The following TTC28 variants were observed in gnomAD, a reference collection of about 807,000 sequenced individuals.
The protein encoded by TTC28 is tetratricopeptide repeat domain 28.
In TTC28, 61 loss-of-function variants were observed where a neutral mutation model predicts 198.0. That is an observed-to-expected ratio of 0.31 (90% confidence interval 0.25 to 0.38). The LOEUF (loss-of-function observed/expected upper bound fraction) is 0.38. Among genes scored for constraint, TTC28 ranks in the 10% least tolerant of loss-of-function variants. TTC28 has a pLI of 1.00. For synonymous variants in TTC28, 1,171 were observed against 1,297.8 expected (o/e 0.90, Z 2.10); for missense variants, 2,678 against 3,164.0 (o/e 0.85, Z 3.69).
rs1292442927 is a variant in TTC28 at position 27,989,993 on chromosome 22, C to G, written c.5592G>C (p.Leu1864=). The G allele has an allele frequency of 9.0e-6, 14 of 1,550,770 alleles. No homozygotes were observed. The highest frequency in any genetic ancestry group is 4.9e-5 in the East Asian group (2 of 40,928). Reference sequence around the variant, plus strand: ...CCTTCTCGCCAGCCTGGAGCTGAACCAGCACCTGGTGGAGCTGAGGAAGGG... The same window carrying G: ...CCTTCTCGCCAGCCTGGAGCTGAACGAGCACCTGGTGGAGCTGAGGAAGGG... ...KNMVGMLHQV[L]VQLQAGEKEQ... is the part of the protein sequence containing the mutation. The change falls in exon 21 of 23, where the codon CTG becomes CTC. Residue 1864 remains leucine (L), a synonymous_variant. Coordinates refer to ENST00000397906, the MANE Select transcript of TTC28 (RefSeq NM_001145418.2).
chr22:28,169,826 TA>T (rs1922466659), intron 5 of TTC28, among the ~76,000 whole-genome samples: 1 of 150,762 alleles, frequency 6.6e-6, no homozygotes, highest in Admixed American at 6.6e-5. Context: ...ATAATAATAA[TA>T]AAATAAAATA....
Position 27,987,963 on chromosome 22 carries a change from A to C in TTC28, c.5707+1915T>G, listed in dbSNP as rs149900793. Among the ~76,000 whole-genome samples, 1,022 of 152,302 alleles carry C rather than the reference A, an allele frequency of 6.7e-3. 8 individuals carry two copies. Among genetic ancestry groups the C allele is most frequent in the African/African-American group, 0.023 (962 of 41,574 alleles). On this transcript the variant is annotated intron_variant, in intron 21 of 22. Transcript: ENST00000397906. Reference sequence around the variant, plus strand: ...GAGCAGTGGCTCACACCTGAATCCCAGCACTTTGGGAGGCTGTGTGGGAGG... The same window carrying C: ...GAGCAGTGGCTCACACCTGAATCCCCGCACTTTGGGAGGCTGTGTGGGAGG...
At chr22:28,016,690 C>G (rs1938392951) in intron 13 of TTC28, among the ~76,000 whole-genome samples, 1 of 152,218 alleles carries the variant, frequency 6.6e-6, no homozygotes, top group African/African-American at 2.4e-5. Context: ...TCACAAACCT[C>G]AAGGCCCTTC....
At chr22:28,489,323 A>T (rs1008108723) in intron 2 of TTC28, among the ~76,000 whole-genome samples, 1 of 151,486 alleles carries the variant, frequency 6.6e-6, no homozygotes, top group Admixed American at 6.6e-5. Context: ...AAACACACAC[A>T]TTACTCTGCC....
chr22:27,996,487 G>A (rs988246643), intron 16 of TTC28: 8 of 574,626 alleles, frequency 1.4e-5, no homozygotes, highest in Admixed American at 3.2e-5. Flanking sequence ...GTTCAGGTTA[G>A]TGGGGCCTGC....
intron 2 of TTC28, among the ~76,000 whole-genome samples, chr22:28,363,847 A>G (rs940605976): frequency 1.1e-4 from 17 of 152,096 alleles, no homozygotes; most frequent in Admixed American, 5.9e-4. Context: ...AATTTCTTCC[A>G]TTTGGAATGG....
rs576472719 is a variant in TTC28, at chr22:28,594,001, T to C, written c.381+35551A>G. ...AGTTTGGAAGAAATTGTTTTATTAATTCACTGGTATGTTAAACAACTACTC... is the reference window on the plus strand; with the variant it reads ...AGTTTGGAAGAAATTGTTTTATTAACTCACTGGTATGTTAAACAACTACTC... On this transcript the variant is annotated intron_variant, in intron 2 of 22. Coordinates refer to ENST00000397906, the MANE Select transcript of TTC28 (RefSeq NM_001145418.2). 2.8e-4 allele frequency among the ~76,000 whole-genome samples: 42 copies of C among 152,184 alleles called. 1 individual carries two copies. In the Middle Eastern group the frequency reaches 0.014, roughly 49 times the overall value.
At chr22:27,998,349 G>A (rs1937587581) in intron 16 of TTC28, 191 bp downstream of exon 16, 2 of 942,108 alleles carry the variant, frequency 2.1e-6, no homozygotes, top group Non-Finnish European at 3.1e-6. Flanking sequence ...CTGGTCCAAA[G>A]ATGATCTTAA....
chr22:28,085,536 G>A (rs138891345), intron 12 of TTC28, among the ~76,000 whole-genome samples: 10,137 of 152,160 alleles, frequency 0.067, 418 homozygotes, highest in South Asian at 0.089. Context: ...AGGAACAACC[G>A]GTAGCAGCCA....
At chr22:28,585,262 A>T (rs1365103368) in intron 2 of TTC28, among the ~76,000 whole-genome samples, 1 of 152,200 alleles carries the variant, frequency 6.6e-6, no homozygotes, top group Admixed American at 6.5e-5. Context: ...TTAAATAATT[A>T]TACAACTCAC....
chr22:28,296,351 A>G (rs553151266), intron 4 of TTC28, 23 bp from the exon 5 acceptor site: 39 of 1,492,636 alleles, frequency 2.6e-5, no homozygotes, highest in Middle Eastern at 1.8e-4. Context: ...GAGAAAAAAA[A>G]AAAGAAAAAA....
intron 2 of TTC28, among the ~76,000 whole-genome samples, chr22:28,531,142 G>C (rs2049128664): frequency 6.6e-6 from 1 of 152,164 alleles, no homozygotes; most frequent in Non-Finnish European, 1.5e-5. Flanking sequence ...AGACCCATCA[G>C]TGTGCTATAT....
At chr22:28,663,153 TAGG>T (rs998513893) in intron 1 of TTC28, among the ~76,000 whole-genome samples, 1 of 147,828 alleles carries the variant, frequency 6.8e-6, no homozygotes, top group Admixed American at 6.9e-5. Flanking sequence ...AAGGCTGAGA[TAGG>T]AGAATGGCGT....
intron 2 of TTC28, among the ~76,000 whole-genome samples, chr22:28,343,619 G>C (rs2045865703): frequency 6.6e-6 from 1 of 151,924 alleles, no homozygotes; most frequent in Admixed American, 6.6e-5. Flanking sequence ...TGGAGCACAA[G>C]TAAGTCCTTT....
At chr22:28,445,784 T>TGG (rs2047692470) in intron 2 of TTC28, among the ~76,000 whole-genome samples, 1 of 152,060 alleles carries the variant, frequency 6.6e-6, no homozygotes, top group South Asian at 2.1e-4. Context: ...ATATACACTA[T>TGG]GACTCTCACA....
intron 17 of TTC28, 31 bp from the exon 18 acceptor site, chr22:27,993,549 C>G: frequency 6.6e-7 from 1 of 1,510,820 alleles, no homozygotes; most frequent in Non-Finnish European, 8.9e-7. Context: ...AGTCAGAGAC[C>G]CAGGCCAGCC....
At chr22:28,128,979 G>A (rs544291692) in intron 6 of TTC28, among the ~76,000 whole-genome samples, 39 of 152,216 alleles carry the variant, frequency 2.6e-4, no homozygotes, top group Non-Finnish European at 4.6e-4. Context: ...CATGTTCAGA[G>A]AACTGTGCTC....
At chr22:28,091,930 C>A (rs1024311441) in intron 12 of TTC28, among the ~76,000 whole-genome samples, 3 of 152,014 alleles carry the variant, frequency 2.0e-5, no homozygotes, top group African/African-American at 7.2e-5. Context: ...GTAGAGGCTT[C>A]CTTAAGGAGA....
chr22:28,621,483 G>A (rs971198277), intron 2 of TTC28, among the ~76,000 whole-genome samples: 2 of 151,716 alleles, frequency 1.3e-5, no homozygotes, highest in African/African-American at 4.8e-5. Context: ...AGGAGGCCAA[G>A]GCAGAAGAAT....
Sources: gnomAD v4.1 joint callset for allele counts (sites outside exome capture counted in the v4.1 genomes callset) on GRCh38, gnomAD v4.1.1 for gene constraint, MANE v1.5 for transcripts, NCBI Gene and HGNC (gene_info 2026-07-23, HGNC 2026-07-21) for gene names.